Variants in SPANXN3 observed in about 807,000 individuals in gnomAD.
SPANXN3 encodes the protein SPANX family member N3, also known as sperm protein associated with the nucleus on the X chromosome N3.
A neutral mutation model predicts 1.9 loss-of-function variants in SPANXN3; 1 was observed. That is an observed-to-expected ratio of 0.54 (90% CI 0.19 to 2.54). The LOEUF (loss-of-function observed/expected upper bound fraction) is 2.54. Among genes scored for constraint, SPANXN3 ranks in the 30% most tolerant of loss-of-function variants. The pLI is 0.24. For synonymous variants in SPANXN3, 47 were observed against 40.0 expected (o/e 1.17, Z -0.66); for missense variants, 113 against 96.2 (o/e 1.17, Z -0.73).
In SPANXN3 at chrX:143,517,423, G is replaced by A; in HGVS notation, c.-32C>T. ...GGTTGGTTGTAGAATGTCTATAGTA[G>A]GCTCCTGTAGACTGCAGACTTCCAC... On this transcript the variant is annotated 5_prime_UTR_variant, in exon 1 of 2. Transcript: ENST00000370503. 8.4e-7 allele frequency: 1 copy of A among 1,193,918 alleles called. No individual in the cohort carries two copies. The highest frequency in any genetic ancestry group is 2.3e-4 in the Middle Eastern group (1 of 4,286).
intron 1 of SPANXN3, among the ~76,000 whole-genome samples, chrX:143,513,376 T>C (rs1285208476): frequency 1.8e-5 from 2 of 112,285 alleles, no homozygotes; most frequent in African/African-American, 6.5e-5. Flanking sequence ...CACAAGCCAC[T>C]GCACTTCTCT....
chrX:143,517,454 T>C lies in SPANXN3; in HGVS notation c.-63A>G. ...TGTAGACTGCAGACTTCCACAGCTA[T>C]GTTGAAGCTTCCCAGTGGGATGTCC... On this transcript the variant is annotated 5_prime_UTR_variant, in exon 1 of 2. Coordinates refer to ENST00000370503, the MANE Select transcript of SPANXN3 (RefSeq NM_001009609.4). 2 of 1,135,153 alleles carry C rather than the reference T, an allele frequency of 1.8e-6. No homozygotes were observed. The highest frequency in any genetic ancestry group is 1.2e-6 in the Non-Finnish European group (1 of 829,078). 93.5% of individuals were successfully genotyped at this position (1,135,153 alleles called of 1,213,427 possible). A position where few individuals can be genotyped will look rare whatever the true frequency, so the allele number is the denominator to read the frequency against.
At chrX:143,511,966 C>T (rs1292388833) in intron 1 of SPANXN3, among the ~76,000 whole-genome samples, 1 of 111,427 alleles carries the variant, frequency 9.0e-6, no homozygotes, top group Non-Finnish European at 1.9e-5. Flanking sequence ...CAACTAGTTA[C>T]TCGGTTTTAC....
At chrX:143,511,013 T>C (rs1929078849) in intron 1 of SPANXN3, among the ~76,000 whole-genome samples, 1 of 112,111 alleles carries the variant, frequency 8.9e-6, no homozygotes, top group Non-Finnish European at 1.9e-5. Flanking sequence ...CCTAGCTGAC[T>C]TCTCCCATAC....
chrX:143,511,924 T>C (rs1479112552), intron 1 of SPANXN3, among the ~76,000 whole-genome samples: 11 of 111,502 alleles, frequency 9.9e-5, no homozygotes, highest in Non-Finnish European at 1.7e-4. Flanking sequence ...CTCTAGTAAG[T>C]CCATGTCTTT....
intron 1 of SPANXN3, among the ~76,000 whole-genome samples, chrX:143,511,537 C>G (rs1260115917): frequency 2.7e-5 from 3 of 111,201 alleles, no homozygotes; most frequent in African/African-American, 9.8e-5. Context: ...ATCAAAGTGG[C>G]CTTTAAGGTC....
intron 1 of SPANXN3, among the ~76,000 whole-genome samples, chrX:143,511,348 C>T (rs1165874294): frequency 9.0e-6 from 1 of 111,369 alleles, no homozygotes; most frequent in Non-Finnish European, 1.9e-5. Flanking sequence ...ATAAAGTCGC[C>T]CCTGCTCTTT....
intron 1 of SPANXN3, among the ~76,000 whole-genome samples, chrX:143,514,143 T>A (rs12849155): frequency 1.8e-5 from 2 of 111,992 alleles, no homozygotes; most frequent in Non-Finnish European, 3.8e-5. Flanking sequence ...AAAGATGCCA[T>A]AACCGAGAGA....
Position 143,508,901 on chromosome X carries a change from C to T in SPANXN3, c.340G>A (p.Asp114Asn), listed in dbSNP as rs782625849. Residue 114 changes from aspartate to asparagine, a missense_variant, in exon 2 of 2, where the codon GAT (aspartate) becomes AAT (asparagine). Transcript: ENST00000370503. Reference sequence around the variant, plus strand: ...GAGGATCCTTCAGATGAGTCTAGATCTTTGTCCTCCTTTGAAGGTCCTTCA... The same window carrying T: ...GAGGATCCTTCAGATGAGTCTAGATTTTTGTCCTCCTTTGAAGGTCCTTCA... The part of the protein sequence containing the change: ...PCEGPSKEDK[D>N]LDSSEGSSQE... The T allele has an allele frequency of 4.5e-5, 55 of 1,209,899 alleles. No homozygotes were observed. The highest frequency in any genetic ancestry group is 5.9e-5 in the Non-Finnish European group (53 of 895,112).
At chrX:143,516,706 G>A (rs1449844988) in intron 1 of SPANXN3, 1 of 114,488 alleles carries the variant, frequency 8.7e-6, no homozygotes, top group East Asian at 2.8e-4. Flanking sequence ...CCTCTGCCAA[G>A]TCCAGTACCA....
chrX:143,511,958 A>G (rs1929101495), intron 1 of SPANXN3, among the ~76,000 whole-genome samples: 1 of 111,271 alleles, frequency 9.0e-6, no homozygotes, highest in Non-Finnish European at 1.9e-5. Flanking sequence ...CAATACGACA[A>G]CTAGTTACTC....
At chrX:143,512,864 CCCTT>C (rs782644680) in intron 1 of SPANXN3, among the ~76,000 whole-genome samples, 1 of 110,983 alleles carries the variant, frequency 9.0e-6, no homozygotes, top group South Asian at 3.9e-4. Flanking sequence ...TCTCTGTAGC[CCCTT>C]CCTTAACCTG....
At chrX:143,512,866 C>T (rs1556411948) in intron 1 of SPANXN3, among the ~76,000 whole-genome samples, 3 of 111,017 alleles carry the variant, frequency 2.7e-5, no homozygotes, top group Non-Finnish European at 5.7e-5. Flanking sequence ...TCTGTAGCCC[C>T]TTCCTTAACC....
chrX:143,511,514 CCAAAG>C (rs1260918879), intron 1 of SPANXN3, among the ~76,000 whole-genome samples: 1 of 111,256 alleles, frequency 9.0e-6, no homozygotes, highest in African/African-American at 3.3e-5. Flanking sequence ...CCTCAAACCT[CCAAAG>C]AGACTTAATC....
chrX:143,515,348 T>C (rs1272759295), intron 1 of SPANXN3, among the ~76,000 whole-genome samples: 1 of 111,580 alleles, frequency 9.0e-6, no homozygotes, highest in African/African-American at 3.3e-5. Flanking sequence ...AACCTCACTG[T>C]ACTTAACAAG....
At chrX:143,510,509 C>A (rs1480829469) in intron 1 of SPANXN3, among the ~76,000 whole-genome samples, 4 of 111,592 alleles carry the variant, frequency 3.6e-5, no homozygotes, top group Non-Finnish European at 7.5e-5. Context: ...CTCACTTTCC[C>A]CAGAGTATTC....
At chrX:143,515,717 A>T (rs1436647825) in intron 1 of SPANXN3, among the ~76,000 whole-genome samples, 1 of 110,875 alleles carries the variant, frequency 9.0e-6, no homozygotes, top group Non-Finnish European at 1.9e-5. Flanking sequence ...TGTCCACACA[A>T]ATCCAGCAAT....
At chrX:143,516,451 G>A (rs1289348494) in intron 1 of SPANXN3, among the ~76,000 whole-genome samples, 1 of 111,935 alleles carries the variant, frequency 8.9e-6, no homozygotes, top group African/African-American at 3.3e-5. Flanking sequence ...AGTAGCTTCT[G>A]TCTCATCTTC....
intron 1 of SPANXN3, among the ~76,000 whole-genome samples, chrX:143,514,141 C>T (rs145997132): frequency 0.018 from 2,066 of 111,976 alleles, 24 homozygotes; most frequent in Middle Eastern, 0.028. Context: ...CTAAAGATGC[C>T]ATAACCGAGA....
Sources: gnomAD v4.1 joint callset for allele counts (sites outside exome capture counted in the v4.1 genomes callset) on GRCh38, gnomAD v4.1.1 for gene constraint, MANE v1.5 for transcripts, NCBI Gene and HGNC (gene_info 2026-07-23, HGNC 2026-07-21) for gene names.